NAA30: variants seen among roughly 807,000 people sequenced by gnomAD.
The protein encoded by NAA30 is N-alpha-acetyltransferase 30.
NAA30 carries 5 observed loss-of-function variants against 31.4 expected under a neutral mutation model. The ratio of observed to expected loss-of-function variants is 0.16; its 90% CI spans 0.08 to 0.33. NAA30 has a LOEUF of 0.33. NAA30 is among the 10% of genes least tolerant of loss of function. The probability of loss-of-function intolerance (pLI) is 1.00; values close to 1 mark genes in which losing one functional copy is unlikely to be tolerated. For missense variants in NAA30, 428 were observed against 490.8 expected, an observed-to-expected ratio of 0.87 and a Z score of 1.21; for synonymous variants, 222 against 207.1, an observed-to-expected ratio of 1.07 and a Z score of -0.62.
At chr14:57,400,726 G>A (rs2066471846) in intron 4 of NAA30, among the ~76,000 whole-genome samples, 2 of 152,120 alleles carry the variant, frequency 1.3e-5, no homozygotes, top group Non-Finnish European at 2.9e-5. Flanking sequence ...AAAAGAAATG[G>A]AGTGTTTTGG....
Position 57,401,484 on chromosome 14 carries a change from A to G in NAA30, c.951+1601A>G, listed in dbSNP as rs796742990. Among the ~76,000 whole-genome samples, 15 of 152,346 alleles carry G rather than the reference A, an allele frequency of 9.8e-5. 1 individual carries two copies. The highest frequency in any genetic ancestry group is 3.6e-4 in the African/African-American group (15 of 41,574). The stretch of plus-strand genomic sequence containing the variant: ...CTGGTAACTGAAATTTCGAGGAGAG[A>G]ATTGGATCAGATATGTTCATGAGTA... On this transcript the variant is annotated intron_variant, in intron 4 of 4. Transcript: ENST00000556492.
intron 4 of NAA30, among the ~76,000 whole-genome samples, chr14:57,404,801 G>A (rs763122844): frequency 2.0e-5 from 3 of 152,072 alleles, no homozygotes; most frequent in African/African-American, 7.2e-5. Flanking sequence ...ATCGGATCTC[G>A]TGAGACTTAA....
At position 57,412,314 on chromosome 14, in the gene NAA30, G is replaced by GT. The variant is rs970854835; in HGVS notation, c.*2804dup. On this transcript the variant is annotated 3_prime_UTR_variant, in exon 5 of 5. Transcript: ENST00000556492. Reference sequence around the variant, plus strand: ...TCGACAAATCTATGTAAAGCAGTTTGTTTTTTCATGTTTTAACTTTACCTT... The same window carrying GT: ...TCGACAAATCTATGTAAAGCAGTTTGTTTTTTTCATGTTTTAACTTTACCTT... 6.6e-6 allele frequency: 1 copy of GT among 152,108 alleles called. No homozygotes were observed. The highest frequency in any genetic ancestry group is 1.5e-5 in the Non-Finnish European group (1 of 67,994). 9.4% of individuals were successfully genotyped at this position (152,108 alleles called of 1,614,324 possible).
In NAA30 at chr14:57,391,832, A is replaced by ATC; in HGVS notation, c.771+105_771+106dup. The ATC allele has an allele frequency of 1.2e-6, 1 of 839,478 alleles. No individual in the cohort carries two copies. 52.0% of individuals were successfully genotyped at this position (839,478 alleles called of 1,614,324 possible). Reference sequence around the variant, plus strand: ...TGGCAGTGGATATCTCCTGCTGCGTATCATAGTACGTTATATGATGTCAAG... The same window carrying ATC: ...TGGCAGTGGATATCTCCTGCTGCGTATCTCATAGTACGTTATATGATGTCAAG... On this transcript the variant is annotated intron_variant, in intron 2 of 4. Transcript: ENST00000556492. This position sits in a 1 kb window ranked among gnomAD's most constrained non-coding sequence, Gnocchi z 4.1.
At chr14:57,399,342 G>C (rs1184889802) in intron 3 of NAA30, among the ~76,000 whole-genome samples, 2 of 152,162 alleles carry the variant, frequency 1.3e-5, no homozygotes, top group Non-Finnish European at 2.9e-5. Context: ...CGTGCTCACT[G>C]TAAAGTTTAT....
In NAA30 at chr14:57,391,062, C is replaced by A. The variant is rs1222960792; in HGVS notation, c.105C>A (p.Leu35=). 4 of 1,522,488 alleles carry A rather than the reference C, an allele frequency of 2.6e-6. No homozygotes were observed. The highest frequency in any genetic ancestry group is 3.5e-6 in the Non-Finnish European group (4 of 1,141,628). The allele number at this position is 1,522,488 out of a possible 1,614,324, so 94.3% of individuals were successfully genotyped here. The part of the protein sequence containing the change: ...PRCPFPAGAA[L]ACCSEDEEDD... The stretch of plus-strand genomic sequence containing the variant: ...GTCCCTTCCCGGCGGGGGCCGCCCT[C>A]GCCTGCTGCAGCGAGGACGAGGAGG... The change falls in exon 2 of 5, where the codon CTC becomes CTA. Residue 35 remains leucine, a synonymous_variant. Transcript: ENST00000556492. This position sits in a 1 kb window ranked among gnomAD's most constrained non-coding sequence, Gnocchi z 4.1.
At position 57,391,205 on chromosome 14, in the gene NAA30, A is replaced by C. The variant is rs1165627251; in HGVS notation, c.248A>C (p.Gln83Pro). ...RCPQPPQEQQ[Q>P]LNGLISPELR... ...CCTCAGCCGCCGCAGGAGCAGCAGC[A>C]GCTCAACGGATTGATTAGCCCCGAA... Residue 83 changes from glutamine to proline, a missense_variant, in exon 2 of 5, where the codon CAG becomes CCG. By Grantham distance (76) the Gln-to-Pro change is moderately conservative. Around this residue, in one of 2 missense-constraint regions of NAA30, gnomAD observed 349 missense variants for 310.4 expected, o/e 1.12. Transcript: ENST00000556492. The surrounding 1 kb of genome is among the most constrained non-coding windows in gnomAD (Gnocchi z 4.1). 31 of 1,611,936 alleles carry C rather than the reference A, an allele frequency of 1.9e-5. No homozygotes were observed. The highest frequency in any genetic ancestry group is 2.5e-5 in the Non-Finnish European group (29 of 1,179,836).
rs1002832514 is a variant in NAA30, at chr14:57,413,237, T to G, written c.*3721T>G. 7.9e-5 allele frequency: 12 copies of G among 152,272 alleles called. No homozygotes were observed. The highest frequency in any genetic ancestry group is 1.9e-4 in the East Asian group (1 of 5,180). 9.4% of individuals were successfully genotyped at this position (152,272 alleles called of 1,614,324 possible). On this transcript the variant is annotated 3_prime_UTR_variant, in exon 5 of 5. Transcript: ENST00000556492. ...TGTGAATACTTCTGTATGTCAAGAT[T>G]TTCGGATTTTAGTGGAAGGATGAAA... is the stretch of plus-strand genomic sequence containing the variant.
At chr14:57,398,653 G>T (rs369606331) in intron 3 of NAA30, among the ~76,000 whole-genome samples, 3 of 130,398 alleles carry the variant, frequency 2.3e-5, no homozygotes, top group South Asian at 2.7e-4. Context: ...ATTTTTTTTT[G>T]AGATAGTCTC....
intron 3 of NAA30, among the ~76,000 whole-genome samples, chr14:57,398,109 T>G (rs948727714): frequency 8.5e-5 from 13 of 152,360 alleles, no homozygotes; most frequent in African/African-American, 2.4e-4. Context: ...TAAAAACTAT[T>G]AAGTGTTATT....
Position 57,391,782 on chromosome 14 carries a change from G to A in NAA30, c.771+54G>A. ...ACCCAGCAGTGATCGAGACTGTGCG[G>A]GGCAGGGAGTGAGGGCCCAGAATGT... On this transcript the variant is annotated intron_variant, in intron 2 of 4. Coordinates refer to ENST00000556492, the MANE Select transcript of NAA30 (RefSeq NM_001011713.3). The surrounding 1 kb of genome is among the most constrained non-coding windows in gnomAD (Gnocchi z 4.1). 6.9e-7 allele frequency: 1 copy of A among 1,453,920 alleles called. No homozygotes were observed. The highest frequency in any genetic ancestry group is 1.3e-5 in the South Asian group (1 of 75,974). 90.1% of individuals were successfully genotyped at this position (1,453,920 alleles called of 1,614,324 possible).
intron 4 of NAA30, among the ~76,000 whole-genome samples, chr14:57,401,220 C>T (rs987074651): frequency 6.6e-6 from 1 of 152,108 alleles, no homozygotes; most frequent in Non-Finnish European, 1.5e-5. Context: ...CAGAGATTTA[C>T]TGCTGAGCAT....
intron 3 of NAA30, among the ~76,000 whole-genome samples, chr14:57,398,985 C>G (rs1310848208): frequency 2.6e-5 from 4 of 151,672 alleles, no homozygotes; most frequent in African/African-American, 9.7e-5. Context: ...ACCTCAGCCT[C>G]CAAAATGCTG....
intron 4 of NAA30, among the ~76,000 whole-genome samples, chr14:57,400,896 G>T (rs11625022): frequency 0.76 from 109,249 of 144,618 alleles, 43,781 homozygotes; most frequent in Admixed American, 0.88. Context: ...GTTTTTTTTT[G>T]TTTTTTTTTT....
rs1846836066 is a variant in NAA30 at position 57,391,906 on chromosome 14, CT to C, written c.771+180del. Among the ~76,000 whole-genome samples the C allele has an allele frequency of 6.6e-6, 1 of 152,180 alleles. No homozygotes were observed. Among genetic ancestry groups the C allele is most frequent in the Admixed American group, 6.5e-5 (1 of 15,284 alleles). On this transcript the variant is annotated intron_variant, in intron 2 of 4. Coordinates refer to ENST00000556492, the MANE Select transcript of NAA30 (RefSeq NM_001011713.3). This position sits in a 1 kb window ranked among gnomAD's most constrained non-coding sequence, Gnocchi z 4.1. ...TAATGAAATTGTTTTGAAGGTAAGACTTCATGATTCGGGTTAACGTGATACT... is the reference window on the plus strand; with the variant it reads ...TAATGAAATTGTTTTGAAGGTAAGACTCATGATTCGGGTTAACGTGATACT...
In NAA30 at chr14:57,413,780, C is replaced by T. The variant is rs141062202; in HGVS notation, c.*4264C>T. The T allele has an allele frequency of 6.6e-6, 1 of 152,396 alleles. No individual in the cohort carries two copies. The highest frequency in any genetic ancestry group is 2.4e-5 in the African/African-American group (1 of 41,566). 9.4% of individuals were successfully genotyped at this position (152,396 alleles called of 1,614,324 possible). Reference sequence around the variant, plus strand: ...AAGTGTTGGAATTACAGGCGTGAGCCACCACGCCCAGCCTATGATATTCTT... The same window carrying T: ...AAGTGTTGGAATTACAGGCGTGAGCTACCACGCCCAGCCTATGATATTCTT... On this transcript the variant is annotated 3_prime_UTR_variant, in exon 5 of 5. Transcript: ENST00000556492.
intron 3 of NAA30, 118 bp from the exon 4 acceptor site, chr14:57,399,710 G>T (rs1418932082): frequency 2.9e-6 from 2 of 690,142 alleles, no homozygotes; most frequent in African/African-American, 1.8e-5. Flanking sequence ...GGTAATCCGT[G>T]TATCTGGATT....
intron 4 of NAA30, 107 bp downstream of exon 4, chr14:57,399,990 T>C (rs1484142369): frequency 3.7e-6 from 2 of 546,572 alleles, no homozygotes; most frequent in Admixed American, 3.0e-5. Context: ...AGTGTTACTA[T>C]ACAAATGCAG....
At position 57,409,655 on chromosome 14, in the gene NAA30, A is replaced by G. The variant is rs1183762680; in HGVS notation, c.*139A>G. On this transcript the variant is annotated 3_prime_UTR_variant, in exon 5 of 5. Transcript: ENST00000556492. ...CTGTCAGTGTCTCATTGAGTGTCGCACAATATTTGTTGCACTTTGGCATGG... is the reference window on the plus strand; with the variant it reads ...CTGTCAGTGTCTCATTGAGTGTCGCGCAATATTTGTTGCACTTTGGCATGG... 8.0e-6 allele frequency: 6 copies of G among 751,082 alleles called. No individual in the cohort carries two copies. The highest frequency in any genetic ancestry group is 5.4e-5 in the African/African-American group (3 of 55,560). 46.5% of individuals were successfully genotyped at this position (751,082 alleles called of 1,614,324 possible).
Sources: allele counts gnomAD v4.1 joint callset (sites outside exome capture counted in the v4.1 genomes callset), GRCh38; gene constraint gnomAD v4.1.1; regional missense constraint gnomAD v4.1.1; non-coding constraint Gnocchi (gnomAD v3.1); transcripts MANE v1.5; gene names NCBI Gene and HGNC (gene_info 2026-07-23, HGNC 2026-07-21).